The following AK2 variants were observed in gnomAD, a reference collection of about 807,000 sequenced individuals.
AK2 encodes the protein adenylate kinase 2, also known as adenylate kinase 2, mitochondrial.
In AK2, 15 loss-of-function variants were observed where a neutral mutation model predicts 24.6. The observed-to-expected ratio is 0.61, with a 90% CI of 0.41 to 0.94. The LOEUF (loss-of-function observed/expected upper bound fraction) is 0.94, where lower values mean the gene tolerates loss of function less well. AK2 is among the 40% of genes least tolerant of loss of function. The pLI is 0.00. For synonymous variants in AK2, 102 were observed against 114.0 expected (o/e 0.90, Z 0.67); for missense variants, 257 against 304.1 (o/e 0.85, Z 1.15).
rs191426221 is a variant in AK2 at position 33,031,597 on chromosome 1, C to A, written c.93+5139G>T. 8.1e-5 allele frequency: 37 copies of A among 456,060 alleles called. No individual in the cohort carries two copies. In the East Asian group the frequency reaches 2.4e-3, roughly 29 times the overall value. 28.3% of individuals were successfully genotyped at this position (456,060 alleles called of 1,614,324 possible). ...CAGGAGCTTTGGAGTCATTCAGATGCAAGCTCTGTAAATTACTTGCTATGT... is the reference window on the plus strand; with the variant it reads ...CAGGAGCTTTGGAGTCATTCAGATGAAAGCTCTGTAAATTACTTGCTATGT... On this transcript the variant is annotated intron_variant, in intron 1 of 5. Coordinates refer to ENST00000672715, the MANE Select transcript of AK2 (RefSeq NM_001625.4).
intron 1 of AK2, among the ~76,000 whole-genome samples, chr1:33,030,136 A>G (rs1640147806): frequency 6.6e-6 from 1 of 152,224 alleles, no homozygotes; most frequent in African/African-American, 2.4e-5. Context: ...GCTCTTACGC[A>G]TGGTTCCCAA....
rs1638666862 is a variant in AK2 at position 33,009,464 on chromosome 1, C to G, written c.*3717G>C. On this transcript the variant is annotated 3_prime_UTR_variant, in exon 6 of 6. Transcript: ENST00000672715. ...AGTGTCCATTCAACAGTTATCCAGC[C>G]TGGCAGGAAGCAGATATCTTTCTGT... 2.2e-6 allele frequency: 1 copy of G among 454,026 alleles called. No individual in the cohort carries two copies. 28.1% of individuals were successfully genotyped at this position (454,026 alleles called of 1,614,324 possible).
At chr1:33,029,096 A>C (rs1015454098) in intron 1 of AK2, 1 of 152,246 alleles carries the variant, frequency 6.6e-6, no homozygotes, top group African/African-American at 2.4e-5. Context: ...TAATAAGATT[A>C]CGTATGCAAA....
chr1:33,031,340 C>A, intron 1 of AK2: 1 of 254,150 alleles, frequency 3.9e-6, no homozygotes, highest in Non-Finnish European at 8.1e-6. Flanking sequence ...CTACTTACTA[C>A]ATGTGTGTCC....
At chr1:33,023,404 A>T (rs1278107924) in intron 2 of AK2, among the ~76,000 whole-genome samples, 1 of 91,470 alleles carries the variant, frequency 1.1e-5, no homozygotes, top group African/African-American at 2.9e-5. Context: ...CCATCTCTAC[A>T]ACAACAACAA....
Position 33,013,394 on chromosome 1 carries a change from C to T in AK2, c.507G>A (p.Gly169=). 3.7e-6 allele frequency: 6 copies of T among 1,613,738 alleles called. No homozygotes were observed. Among genetic ancestry groups the T allele is most frequent in the South Asian group, 1.1e-5 (1 of 91,036 alleles). The change falls in exon 6 of 6, where the codon GGG becomes GGA. Residue 169 remains glycine (G), a synonymous_variant. Transcript: ENST00000672715. Reference sequence around the variant, plus strand: ...CATCTGATCGACGGATCAAGGGTTCCCCGGTGATCTGAGAACAGGAAGACA... The same window carrying T: ...CATCTGATCGACGGATCAAGGGTTCTCCGGTGATCTGAGAACAGGAAGACA... ...PKEPMKDDIT[G]EPLIRRSDDN... is the part of the protein sequence containing the mutation.
chr1:33,021,643 T>G lies in AK2; in HGVS notation c.280A>C (p.Asn94His). The change falls in exon 3 of 6, where the codon AAT becomes CAT. Residue 94 changes from asparagine to histidine, a missense_variant. Physicochemically the swap from Asn to His is moderately conservative, Grantham distance 68. Transcript: ENST00000672715. ...GGGAAGCCATCCAGAAGAAAACCAT[T>G]TTTGCACAAGGGGGTCTCCAAATTC... ...EKNLETPLCK[N>H]GFLLDGFPRT... is the part of the protein sequence containing the mutation. The G allele has an allele frequency of 6.2e-7, 1 of 1,614,134 alleles. No homozygotes were observed. Among genetic ancestry groups the G allele is most frequent in the Non-Finnish European group, 8.5e-7 (1 of 1,180,016 alleles).
intron 5 of AK2, chr1:33,014,235 A>G (rs552165490): frequency 5.2e-5 from 19 of 366,798 alleles, no homozygotes; most frequent in Admixed American, 3.7e-4. Context: ...TTAGGTGGCC[A>G]TGATGCCAGA....
At chr1:33,020,715 C>T (rs1402860563) in intron 4 of AK2, among the ~76,000 whole-genome samples, 1 of 151,958 alleles carries the variant, frequency 6.6e-6, no homozygotes, top group Non-Finnish European at 1.5e-5. Context: ...CGTGGTGGTA[C>T]ATGCCTGTAG....
Position 33,008,089 on chromosome 1 carries a change from A to C in AK2, c.*5092T>G. On this transcript the variant is annotated 3_prime_UTR_variant, in exon 6 of 6. Coordinates refer to ENST00000672715, the MANE Select transcript of AK2 (RefSeq NM_001625.4). The stretch of plus-strand genomic sequence containing the variant: ...GGTCTATGATTTCTAGGGGATCCTT[A>C]GCCTGGTTCCGGATGGTCAGTAAGA... 2.2e-6 allele frequency: 1 copy of C among 454,144 alleles called. No individual in the cohort carries two copies. Among genetic ancestry groups the C allele is most frequent in the Non-Finnish European group, 4.4e-6 (1 of 226,798 alleles). 28.1% of individuals were successfully genotyped at this position (454,144 alleles called of 1,614,324 possible). A position where few individuals can be genotyped will look rare whatever the true frequency, so the allele number is the denominator to read the frequency against.
intron 1 of AK2, chr1:33,031,801 G>A: frequency 5.0e-6 from 2 of 403,866 alleles, no homozygotes; most frequent in Non-Finnish European, 1.0e-5. Flanking sequence ...ACACATGGAA[G>A]AAATGAGGAG....
chr1:33,012,334 C>T lies in AK2; in HGVS notation c.*847G>A. 6.5e-7 allele frequency: 1 copy of T among 1,530,910 alleles called. No homozygotes were observed. Among genetic ancestry groups the T allele is most frequent in the Non-Finnish European group, 8.7e-7 (1 of 1,145,488 alleles). 94.8% of individuals were successfully genotyped at this position (1,530,910 alleles called of 1,614,324 possible). A position where few individuals can be genotyped will look rare whatever the true frequency, so the allele number is the denominator to read the frequency against. On this transcript the variant is annotated 3_prime_UTR_variant, in exon 6 of 6. Transcript: ENST00000672715. ...TAACCTGCAAAGTAAGTGCCTTTTT[C>T]CTTCCACCTAGGGGGAAAAAATTAA...
At chr1:33,013,748 G>C (rs1638998063) in intron 5 of AK2, among the ~76,000 whole-genome samples, 1 of 152,134 alleles carries the variant, frequency 6.6e-6, no homozygotes, top group South Asian at 2.1e-4. Context: ...AAGTCAAAAA[G>C]GCCCCTAAGA....
At position 33,011,088 on chromosome 1, in the gene AK2, C is replaced by T; in HGVS notation, c.*2093G>A. The T allele has an allele frequency of 1.4e-6, 2 of 1,438,614 alleles. No individual in the cohort carries two copies. The highest frequency in any genetic ancestry group is 2.6e-4 in the Middle Eastern group (1 of 3,898). 89.1% of individuals were successfully genotyped at this position (1,438,614 alleles called of 1,614,324 possible). A position where few individuals can be genotyped will look rare whatever the true frequency, so the allele number is the denominator to read the frequency against. ...GTTCTTATGGGCAGCCCAAATATTA[C>T]TTGTACATGTTGTATGCACACGTGA... is the stretch of plus-strand genomic sequence containing the variant. On this transcript the variant is annotated 3_prime_UTR_variant, in exon 6 of 6. Coordinates refer to ENST00000672715, the MANE Select transcript of AK2 (RefSeq NM_001625.4).
intron 2 of AK2, among the ~76,000 whole-genome samples, chr1:33,022,825 C>G (rs1639642925): frequency 6.6e-6 from 1 of 152,166 alleles, no homozygotes; most frequent in East Asian, 1.9e-4. Flanking sequence ...TAACTGTGAA[C>G]TTGGGGACAA....
chr1:33,034,093 C>T lies in AK2; in HGVS notation c.93+2643G>A, dbSNP rs1392086015. ...TTTCGCCATGTTGCCCAGGCTTGAA[C>T]TTTTTTTTAAACTCCACAAAAATAC... is the stretch of plus-strand genomic sequence containing the variant. On this transcript the variant is annotated intron_variant, in intron 1 of 5. Coordinates refer to ENST00000672715, the MANE Select transcript of AK2 (RefSeq NM_001625.4). 2.0e-5 allele frequency among the ~76,000 whole-genome samples: 3 copies of T among 151,786 alleles called. No individual in the cohort carries two copies. In the East Asian group the frequency reaches 5.8e-4, roughly 29 times the overall value.
Position 33,012,657 on chromosome 1 carries a change from G to C in AK2, c.*524C>G. On this transcript the variant is annotated 3_prime_UTR_variant, in exon 6 of 6. Coordinates refer to ENST00000672715, the MANE Select transcript of AK2 (RefSeq NM_001625.4). The stretch of plus-strand genomic sequence containing the variant: ...CACGTCTGTGATCCTGGCACTTCAG[G>C]AGGCCAAGGTGGGTGGATTGCTTAA... 1 of 1,282,360 alleles carries C rather than the reference G, an allele frequency of 7.8e-7. No homozygotes were observed. Among genetic ancestry groups the C allele is most frequent in the African/African-American group, 1.5e-5 (1 of 65,838 alleles). The allele number at this position is 1,282,360 out of a possible 1,614,324, so 79.4% of individuals were successfully genotyped here.
Position 33,012,190 on chromosome 1 carries a change from T to A in AK2, c.*991A>T, listed in dbSNP as rs1289352338. ...CCTGGTTTAATTCTCTGGCAACAAT[T>A]CAGTTTTCAAACCCAATTCCCAAAT... On this transcript the variant is annotated 3_prime_UTR_variant, in exon 6 of 6. Transcript: ENST00000672715. 6.5e-7 allele frequency: 1 copy of A among 1,535,432 alleles called. No homozygotes were observed. The highest frequency in any genetic ancestry group is 1.2e-5 in the South Asian group (1 of 84,058).
rs1013918693 is a variant in AK2 at position 33,011,916 on chromosome 1, G to C, written c.*1265C>G. The C allele has an allele frequency of 4.3e-5, 66 of 1,532,242 alleles. No individual in the cohort carries two copies. The highest frequency in any genetic ancestry group is 5.6e-5 in the Non-Finnish European group (64 of 1,145,876). 94.9% of individuals were successfully genotyped at this position (1,532,242 alleles called of 1,614,324 possible). ...TTGGATCTAGAAAGGAGAGGGTTTGGGCTTAAAAAGAACATATCTGATTTC... is the reference window on the plus strand; with the variant it reads ...TTGGATCTAGAAAGGAGAGGGTTTGCGCTTAAAAAGAACATATCTGATTTC... On this transcript the variant is annotated 3_prime_UTR_variant, in exon 6 of 6. Coordinates refer to ENST00000672715, the MANE Select transcript of AK2 (RefSeq NM_001625.4).
Sources: allele counts gnomAD v4.1 joint callset (sites outside exome capture counted in the v4.1 genomes callset), GRCh38; gene constraint gnomAD v4.1.1; transcripts MANE v1.5; gene names NCBI Gene and HGNC (gene_info 2026-07-23, HGNC 2026-07-21).